The following ANAPC1 variants were observed in gnomAD, a reference collection of about 807,000 sequenced individuals.
ANAPC1 encodes anaphase-promoting complex subunit 1.
ANAPC1 carries 36 observed loss-of-function variants against 208.0 expected under a neutral mutation model. That is an observed-to-expected ratio of 0.17 (90% CI 0.13 to 0.23). The LOEUF is 0.23. Among genes scored for constraint, ANAPC1 ranks in the 10% least tolerant of loss-of-function variants. ANAPC1 has a pLI of 1.00. For missense variants in ANAPC1, 942 were observed against 2,011.6 expected (o/e 0.47, Z 10.17); for synonymous variants, 378 against 695.2 (o/e 0.54, Z 7.18).
At position 111,856,866 on chromosome 2, in the gene ANAPC1, C is replaced by T. The variant is rs748856823; in HGVS notation, c.1379G>A (p.Ser460Asn). 10 of 1,612,088 alleles carry T rather than the reference C, an allele frequency of 6.2e-6. No homozygotes were observed. In the South Asian group the frequency reaches 9.9e-5, roughly 16 times the overall value. ...AAAGATGAGCTGGGTTTTATCATTA[C>T]TCTCTTGAAACTTTACACAGCTAAA... is the stretch of plus-strand genomic sequence containing the variant. Reference protein sequence around the residue: ...LQLRCVKFQESNDKTQLIFGS... With the variant: ...LQLRCVKFQENNDKTQLIFGS... The change falls in exon 12 of 48, where the codon AGT becomes AAT. Residue 460 changes from serine to asparagine, a missense_variant. By Grantham distance (46) the Ser-to-Asn change is conservative (BLOSUM62 1). Transcript: ENST00000341068.
Position 111,860,206 on chromosome 2 carries a change from G to A in ANAPC1, c.1263-1805C>T, listed in dbSNP as rs1165908322. Among the ~76,000 whole-genome samples the A allele has an allele frequency of 2.6e-5, 4 of 152,000 alleles. No homozygotes were observed. The East Asian group carries it at 7.7e-4, about 29-fold the overall frequency. ...CCCAGCTATCTGGGAGGCTGAGGTT[G>A]GGGAATCACCTGAGCCCAGAAGGCC... On this transcript the variant is annotated intron_variant, in intron 10 of 47. Transcript: ENST00000341068.
chr2:111,783,499 G>C lies in ANAPC1; in HGVS notation c.5063+398C>G, dbSNP rs551026718. The stretch of plus-strand genomic sequence containing the variant: ...AAGTTTCCTGAGGCCTCCCCAGCCA[G>C]GCAGAACTGTGAGTCAATTAAATCC... On this transcript the variant is annotated intron_variant, in intron 42 of 47. Transcript: ENST00000341068. Among the ~76,000 whole-genome samples the C allele has an allele frequency of 6.1e-4, 92 of 151,508 alleles. No homozygotes were observed. In the East Asian group the frequency reaches 0.015, roughly 24 times the overall value.
intron 21 of ANAPC1, among the ~76,000 whole-genome samples, chr2:111,829,274 T>TA (rs897944605): frequency 2.6e-5 from 4 of 152,302 alleles, no homozygotes; most frequent in Admixed American, 6.5e-5. Flanking sequence ...TTGCTATCAT[T>TA]AAAAAAATCC....
intron 18 of ANAPC1, among the ~76,000 whole-genome samples, chr2:111,835,207 T>C (rs1680400091): frequency 6.6e-6 from 1 of 152,198 alleles, no homozygotes; most frequent in Non-Finnish European, 1.5e-5. Context: ...GAAAAGTAGA[T>C]GGCAAGTTAG....
intron 10 of ANAPC1, among the ~76,000 whole-genome samples, chr2:111,860,672 T>C (rs2104552976): frequency 6.6e-6 from 1 of 151,906 alleles, no homozygotes; most frequent in African/African-American, 2.4e-5. Context: ...CTGTATTTCC[T>C]GCTGCTTCTC....
chr2:111,790,734 TGA>T (rs1472744529), intron 38 of ANAPC1, among the ~76,000 whole-genome samples: 2 of 151,574 alleles, frequency 1.3e-5, no homozygotes, highest in Admixed American at 6.6e-5. Context: ...AAGACACCAC[TGA>T]GAGAGAGTGA....
At chr2:111,868,871 C>T (rs866270451) in intron 6 of ANAPC1, among the ~76,000 whole-genome samples, 16 of 151,858 alleles carry the variant, frequency 1.1e-4, no homozygotes, top group African/African-American at 3.9e-4. Flanking sequence ...TTTTTTAGAG[C>T]GAAGACGGGC....
At chr2:111,783,788 G>A (rs1480987893) in intron 42 of ANAPC1, 109 bp downstream of exon 42, 3 of 605,968 alleles carry the variant, frequency 5.0e-6, no homozygotes, top group Non-Finnish European at 9.0e-6. Context: ...TCTTGAATGA[G>A]ATTAAAGGGT....
intron 1 of ANAPC1, among the ~76,000 whole-genome samples, chr2:111,881,132 A>C (rs1490729877): frequency 6.6e-6 from 1 of 151,792 alleles, no homozygotes; most frequent in Admixed American, 6.6e-5. Flanking sequence ...CCACTACTAT[A>C]CGCTAATTTT....
In ANAPC1 at chr2:111,845,931, C is replaced by A. The variant is rs1361111658; in HGVS notation, c.1852+1207G>T. Reference sequence around the variant, plus strand: ...CGGAGCTTGCAGTGAGCCGAGTTTGCGCCACTGCACTCCAGAACCTGGGCG... The same window carrying A: ...CGGAGCTTGCAGTGAGCCGAGTTTGAGCCACTGCACTCCAGAACCTGGGCG... On this transcript the variant is annotated intron_variant, in intron 16 of 47. Coordinates refer to ENST00000341068, the MANE Select transcript of ANAPC1 (RefSeq NM_022662.4). Among the ~76,000 whole-genome samples, 5 of 149,086 alleles carry A rather than the reference C, an allele frequency of 3.4e-5. No homozygotes were observed. In the South Asian group the frequency reaches 1.1e-3, roughly 31 times the overall value.
intron 4 of ANAPC1, 21 bp from the exon 5 acceptor site, chr2:111,873,429 A>G (rs769151693): frequency 6.3e-6 from 10 of 1,599,738 alleles, no homozygotes; most frequent in Non-Finnish European, 8.5e-6. Flanking sequence ...AGGGTACAAC[A>G]AGACTTATGT....
chr2:111,829,207 G>C (rs533767527), intron 21 of ANAPC1, among the ~76,000 whole-genome samples: 1 of 152,042 alleles, frequency 6.6e-6, no homozygotes, highest in South Asian at 2.1e-4. Flanking sequence ...GAGTGACTCC[G>C]TCTCAAGAAA....
intron 28 of ANAPC1, among the ~76,000 whole-genome samples, chr2:111,810,013 T>C (rs1288211498): frequency 1.3e-5 from 2 of 148,782 alleles, no homozygotes; most frequent in Non-Finnish European, 3.0e-5. Context: ...ATACAAATGT[T>C]CATAGCAGTA....
rs1680591893 is a variant in ANAPC1, at chr2:111,838,469, T to C, written c.2084A>G (p.Lys695Arg). Residue 695 changes from lysine (K) to arginine (R), a missense_variant, in exon 18 of 48, where the codon AAA becomes AGA. Physicochemically the swap from Lys to Arg is conservative, Grantham distance 26. Coordinates refer to ENST00000341068, the MANE Select transcript of ANAPC1 (RefSeq NM_022662.4). Reference protein sequence around the residue: ...GSLSPVIAPKKARPSETGSDD... With the variant: ...GSLSPVIAPKRARPSETGSDD... The stretch of plus-strand genomic sequence containing the variant: ...AGATCCAGTCTCGGAAGGCCTTGCT[T>C]TTTTGGGCGCAATGACAGGAGAAAG... 2.5e-6 allele frequency: 4 copies of C among 1,608,020 alleles called. No homozygotes were observed. Among genetic ancestry groups the C allele is most frequent in the African/African-American group, 1.3e-5 (1 of 74,804 alleles).
intron 6 of ANAPC1, among the ~76,000 whole-genome samples, chr2:111,870,391 A>G (rs1682681561): frequency 6.6e-6 from 1 of 151,848 alleles, no homozygotes; most frequent in African/African-American, 2.4e-5. Context: ...TGTTTTTCTG[A>G]CTCTTTAATA....
chr2:111,820,735 G>C (rs1333835335), intron 26 of ANAPC1, among the ~76,000 whole-genome samples: 1 of 145,382 alleles, frequency 6.9e-6, no homozygotes, highest in Non-Finnish European at 1.5e-5. Context: ...AATGTATCAA[G>C]GGATGTATCC....
At chr2:111,831,826 CAA>C (rs34008628) in intron 20 of ANAPC1, among the ~76,000 whole-genome samples, 2 of 29,034 alleles carry the variant, frequency 6.9e-5, no homozygotes, top group African/African-American at 2.2e-4. Context: ...GACTCTGTCT[CAA>C]AAAAAAAAAA....
At chr2:111,844,893 T>G (rs1680971250) in intron 16 of ANAPC1, among the ~76,000 whole-genome samples, 1 of 152,234 alleles carries the variant, frequency 6.6e-6, no homozygotes. Context: ...GTCCCCAGGC[T>G]GGAGTGCAGT....
In ANAPC1 at chr2:111,794,311, G is replaced by T. The variant is rs141398793; in HGVS notation, c.4386C>A (p.Val1462=). ...ACAAGCAGGCTCCTGCAATTATGTAGACATGTGCTTGGCTGAAAACAGGTG... is the reference window on the plus strand; with the variant it reads ...ACAAGCAGGCTCCTGCAATTATGTATACATGTGCTTGGCTGAAAACAGGTG... ...LNLETLSQAH[V]YIIAGACLSL... The change falls in exon 36 of 48, where the codon GTC becomes GTA. Residue 1462 remains valine (V), a synonymous_variant. Coordinates refer to ENST00000341068, the MANE Select transcript of ANAPC1 (RefSeq NM_022662.4). The T allele has an allele frequency of 1.2e-6, 2 of 1,608,280 alleles. No homozygotes were observed. Among genetic ancestry groups the T allele is most frequent in the Non-Finnish European group, 1.7e-6 (2 of 1,178,200 alleles).
Sources: gnomAD v4.1 joint callset for allele counts (sites outside exome capture counted in the v4.1 genomes callset) on GRCh38, gnomAD v4.1.1 for gene constraint, MANE v1.5 for transcripts, NCBI Gene and HGNC (gene_info 2026-07-23, HGNC 2026-07-21) for gene names.